The following LYST variants were observed in gnomAD, a reference collection of about 807,000 sequenced individuals.
The protein encoded by LYST is lysosomal trafficking regulator, also known as lysosomal-trafficking regulator.
In LYST, 192 loss-of-function variants were observed where a neutral mutation model predicts 413.6. The ratio of observed to expected loss-of-function variants is 0.46; its 90% CI spans 0.41 to 0.52. The LOEUF (loss-of-function observed/expected upper bound fraction) is 0.52, where lower values mean the gene tolerates loss of function less well. LYST is among the 20% of genes least tolerant of loss of function. The pLI, the probability that LYST is intolerant of heterozygous loss-of-function variation, is 0.00. For missense variants in LYST, 3,815 were observed against 4,499.9 expected, an observed-to-expected ratio of 0.85 and a Z score of 4.35; for synonymous variants, 1,525 against 1,567.3, an observed-to-expected ratio of 0.97 and a Z score of 0.64.
At chr1:235,700,986 C>T (rs1392035945) in intron 45 of LYST, among the ~76,000 whole-genome samples, 2 of 152,062 alleles carry the variant, frequency 1.3e-5, no homozygotes, top group South Asian at 2.1e-4. Flanking sequence ...CTGAGGATGA[C>T]GGAACAGCTG....
chr1:235,813,197 C>T, intron 3 of LYST, 136 bp from the exon 4 acceptor site: 1 of 686,714 alleles, frequency 1.5e-6, no homozygotes, highest in Non-Finnish European at 2.7e-6. Context: ...TCAAATTAAC[C>T]TATCTTCAAT....
chr1:235,875,658 C>A (rs1681102156), intron 1 of LYST, among the ~76,000 whole-genome samples: 1 of 152,124 alleles, frequency 6.6e-6, no homozygotes, highest in South Asian at 2.1e-4. Flanking sequence ...ACAGCCTGGG[C>A]AACATGGCAA....
rs1466859947 is a variant in LYST, at chr1:235,715,293, T to C, written c.9692A>G (p.Tyr3231Cys). 5 of 1,613,960 alleles carry C rather than the reference T, an allele frequency of 3.1e-6. No homozygotes were observed. The highest frequency in any genetic ancestry group is 4.2e-6 in the Non-Finnish European group (5 of 1,179,964). ...EDDPMPPVQPYHYGSHYSNSG... is the reference protein window; with the variant it reads ...EDDPMPPVQPCHYGSHYSNSG... Reference sequence around the variant, plus strand: ...ATTGGAATAGTGGGAGCCATAGTGATAGGGCTGCACGGGAGGCATGGGGTC... The same window carrying C: ...ATTGGAATAGTGGGAGCCATAGTGACAGGGCTGCACGGGAGGCATGGGGTC... Residue 3231 changes from tyrosine to cysteine, a missense_variant, in exon 42 of 53, where the codon TAT becomes TGT. Transcript: ENST00000389793.
At position 235,860,769 on chromosome 1, in the gene LYST, A is replaced by G. The variant is rs538977301; in HGVS notation, c.-98+6074T>C. On this transcript the variant is annotated intron_variant, in intron 1 of 52. Coordinates refer to ENST00000389793, the MANE Select transcript of LYST (RefSeq NM_000081.4). ...AACATATGTGTACACCCATGAAACC[A>G]TCATCAAATCAAGATAGTAAACATA... Among the ~76,000 whole-genome samples, 11 of 152,164 alleles carry G rather than the reference A, an allele frequency of 7.2e-5. 1 individual carries two copies. In the South Asian group the frequency reaches 2.3e-3, roughly 32 times the overall value.
chr1:235,806,801 G>A (rs371833566), intron 5 of LYST, 29 bp from the exon 6 acceptor site: 246 of 1,475,376 alleles, frequency 1.7e-4, no homozygotes, highest in Non-Finnish European at 2.1e-4. Flanking sequence ...ATGTAAAAAG[G>A]TTTAAATAAA....
intron 48 of LYST, among the ~76,000 whole-genome samples, chr1:235,685,388 A>G (rs1017939145): frequency 1.3e-5 from 2 of 152,086 alleles, no homozygotes; most frequent in African/African-American, 4.8e-5. Context: ...TGCAGGCTCT[A>G]CAGTGGTCTC....
At chr1:235,696,098 TTAAC>T (rs1661081933) in intron 46 of LYST, among the ~76,000 whole-genome samples, 2 of 152,214 alleles carry the variant, frequency 1.3e-5, no homozygotes, top group South Asian at 4.1e-4. Context: ...CCCTATCCTA[TTAAC>T]TCACTAAACA....
At position 235,808,702 on chromosome 1, in the gene LYST, A is replaced by G. The variant is rs1673133390; in HGVS notation, c.2116T>C (p.Leu706=). Residue 706 remains leucine, a synonymous_variant, in exon 5 of 53, where the codon TTA becomes CTA. Transcript: ENST00000389793. The part of the protein sequence containing the change: ...YQNFVFEEDR[L]HSIQIANHIC... ...TGATTTGCAATCTGTATACTATGTA[A>G]TCTGTCTTCTTCAAAAACAAAGTTC... The G allele has an allele frequency of 6.2e-7, 1 of 1,613,852 alleles. No homozygotes were observed. Among genetic ancestry groups the G allele is most frequent in the African/African-American group, 1.3e-5 (1 of 74,918 alleles).
chr1:235,761,967 C>A (rs1429964079), intron 22 of LYST, among the ~76,000 whole-genome samples: 1 of 107,364 alleles, frequency 9.3e-6, no homozygotes, highest in African/African-American at 4.2e-5. Flanking sequence ...ACACCAGGGC[C>A]TGTTGTCGGG....
At chr1:235,773,783 T>C in intron 19 of LYST, 59 bp downstream of exon 19, 1 of 1,404,368 alleles carries the variant, frequency 7.1e-7, no homozygotes, top group Non-Finnish European at 1.0e-6. Flanking sequence ...AGATGGTAAA[T>C]TTTGTGTTAT....
intron 26 of LYST, 92 bp from the exon 27 acceptor site, chr1:235,752,263 TTCCTGTTCGAC>T: frequency 5.2e-6 from 5 of 956,086 alleles, no homozygotes; most frequent in Non-Finnish European, 8.2e-6. Context: ...ATGGTTTAAA[TTCCTGTTCGAC>T]CAGCTTGCAC....
intron 1 of LYST, among the ~76,000 whole-genome samples, chr1:235,877,648 C>G (rs6673121): frequency 0.82 from 124,314 of 151,980 alleles, 51,325 homozygotes; most frequent in African/African-American, 0.95. Context: ...TCAGGTGATC[C>G]ACCCGCCTTG....
chr1:235,747,181 G>A (rs1184050474), intron 28 of LYST: 1 of 437,192 alleles, frequency 2.3e-6, no homozygotes, highest in Admixed American at 2.5e-5. Flanking sequence ...TGCTCCAGGA[G>A]GTACAACACA....
intron 50 of LYST, among the ~76,000 whole-genome samples, chr1:235,669,957 C>T (rs1369449261): frequency 2.6e-5 from 4 of 152,110 alleles, no homozygotes; most frequent in Non-Finnish European, 5.9e-5. Flanking sequence ...CATAAAGTTC[C>T]TAAATGACAA....
At chr1:235,796,397 TA>T (rs1255221624) in intron 10 of LYST, among the ~76,000 whole-genome samples, 3 of 151,970 alleles carry the variant, frequency 2.0e-5, no homozygotes, top group Middle Eastern at 3.4e-3. Context: ...CTAGAATACA[TA>T]AAAAAAACCT....
At chr1:235,723,643 T>C (rs1416263432) in intron 39 of LYST, among the ~76,000 whole-genome samples, 1 of 151,550 alleles carries the variant, frequency 6.6e-6, no homozygotes, top group Admixed American at 6.6e-5. Flanking sequence ...CTGACGAGAG[T>C]GGTGAGAAGT....
At chr1:235,727,062 CT>C (rs961827671) in intron 38 of LYST, among the ~76,000 whole-genome samples, 3 of 150,066 alleles carry the variant, frequency 2.0e-5, no homozygotes, top group Admixed American at 6.7e-5. Flanking sequence ...ACTTTCATGA[CT>C]TTTTTTTTAC....
intron 22 of LYST, among the ~76,000 whole-genome samples, chr1:235,760,361 A>G (rs977354969): frequency 6.6e-6 from 1 of 152,208 alleles, no homozygotes; most frequent in African/African-American, 2.4e-5. Flanking sequence ...TTACTAGCCT[A>G]AACAGCCCTA....
At chr1:235,721,869 T>C (rs1663397217) in intron 39 of LYST, among the ~76,000 whole-genome samples, 1 of 152,196 alleles carries the variant, frequency 6.6e-6, no homozygotes, top group Admixed American at 6.5e-5. Flanking sequence ...AACTGGAACT[T>C]AACAAAGTAA....
Sources: allele counts gnomAD v4.1 joint callset (sites outside exome capture counted in the v4.1 genomes callset), GRCh38; gene constraint gnomAD v4.1.1; transcripts MANE v1.5; gene names NCBI Gene and HGNC (gene_info 2026-07-23, HGNC 2026-07-21).